Variants in LGSN observed in about 807,000 individuals in gnomAD.
LGSN encodes the protein lengsin.
In LGSN, 21 loss-of-function variants were observed where a neutral mutation model predicts 19.5. The observed-to-expected ratio is 1.07, with a 90% CI of 0.76 to 1.55. The LOEUF (loss-of-function observed/expected upper bound fraction) is 1.55. LGSN is among the 40% of genes most tolerant of loss of function. The probability of loss-of-function intolerance (pLI) is 0.00; values close to 1 mark genes in which losing one functional copy is unlikely to be tolerated. For missense variants in LGSN, 673 were observed against 608.5 expected, an observed-to-expected ratio of 1.11 and a Z score of -1.12; for synonymous variants, 257 against 215.6, an observed-to-expected ratio of 1.19 and a Z score of -1.68.
chr6:63,295,184 T>G, intron 1 of LGSN, 139 bp from the exon 2 acceptor site: 1 of 713,160 alleles, frequency 1.4e-6, no homozygotes, highest in Non-Finnish European at 2.3e-6. Context: ...TTTTGTCACT[T>G]CCACACTCAC....
chr6:63,566,182 T>C, the LGSN span, among the ~76,000 whole-genome samples: 1 of 152,210 alleles, frequency 6.6e-6, no homozygotes, highest in Admixed American at 6.5e-5. Flanking sequence ...CCCAAACCAT[T>C]TGAAGACAGG....
At chr6:63,476,969 T>C in the LGSN span, among the ~76,000 whole-genome samples, 6 of 152,362 alleles carry the variant, frequency 3.9e-5, no homozygotes, top group African/African-American at 1.4e-4. Context: ...CATCCTTTAC[T>C]CTGAAGCTAT....
At chr6:63,451,276 A>G in the LGSN span, among the ~76,000 whole-genome samples, 79 of 152,328 alleles carry the variant, frequency 5.2e-4, no homozygotes, top group African/African-American at 1.8e-3. Context: ...TATTATAAAG[A>G]CACATACATG....
the LGSN span, among the ~76,000 whole-genome samples, chr6:63,509,279 G>T: frequency 7.5e-4 from 114 of 151,954 alleles, 3 homozygotes; most frequent in East Asian, 0.02. Flanking sequence ...TGGCCAGGCT[G>T]GTCTCGAACT....
chr6:63,564,854 T>G, the LGSN span, among the ~76,000 whole-genome samples: 1 of 152,184 alleles, frequency 6.6e-6, no homozygotes. Context: ...AAGAAGAGTC[T>G]TCTCAAACTA....
Position 63,288,463 on chromosome 6 carries a change from GA to G in LGSN, c.164-2711del, listed in dbSNP as rs529865947. On this transcript the variant is annotated intron_variant, in intron 2 of 3. Transcript: ENST00000370657. ...ATAAATTCACACAGTGAAAGGGCTG[GA>G]AAAAAAAAAAACCATAATCACCTGA... 2.8e-3 allele frequency among the ~76,000 whole-genome samples: 386 copies of G among 139,930 alleles called. 1 individual carries two copies. The highest frequency in any genetic ancestry group is 7.2e-3 in the African/African-American group (277 of 38,226). The allele number at this position is 139,930 out of a possible 152,430, so 91.8% of individuals were successfully genotyped here.
chr6:63,436,798 G>A, the LGSN span, among the ~76,000 whole-genome samples: 1 of 152,196 alleles, frequency 6.6e-6, no homozygotes, highest in Non-Finnish European at 1.5e-5. Flanking sequence ...CACTTTGGGA[G>A]GCTGAGGCAG....
At chr6:63,468,216 C>G in the LGSN span, among the ~76,000 whole-genome samples, 1 of 151,944 alleles carries the variant, frequency 6.6e-6, no homozygotes, top group African/African-American at 2.4e-5. Flanking sequence ...CTGCAACCTC[C>G]CTCCTTGGTT....
the LGSN span, among the ~76,000 whole-genome samples, chr6:63,443,826 G>A: frequency 9.2e-5 from 14 of 152,044 alleles, no homozygotes; most frequent in Non-Finnish European, 1.8e-4. Flanking sequence ...GAATAGGCTT[G>A]GGGGTGGGGA....
the LGSN span, among the ~76,000 whole-genome samples, chr6:63,333,647 A>AGGGAAG: frequency 2.9e-3 from 426 of 149,334 alleles, 3 homozygotes; most frequent in African/African-American, 0.01. Context: ...AGAAAAAGGA[A>AGGGAAG]AGGAAGGGGA....
At chr6:63,535,106 T>C in the LGSN span, among the ~76,000 whole-genome samples, 4 of 152,088 alleles carry the variant, frequency 2.6e-5, no homozygotes, top group Admixed American at 2.0e-4. Context: ...ATATAAACAG[T>C]ATTTTAGGTA....
At chr6:63,334,557 T>G in the LGSN span, among the ~76,000 whole-genome samples, 2 of 152,196 alleles carry the variant, frequency 1.3e-5, no homozygotes, top group African/African-American at 4.8e-5. Flanking sequence ...ACATATTCAA[T>G]GCAATCCCTA....
the LGSN span, among the ~76,000 whole-genome samples, chr6:63,403,620 AT>A: frequency 6.6e-6 from 1 of 152,220 alleles, no homozygotes; most frequent in Non-Finnish European, 1.5e-5. Context: ...AATACAATTG[AT>A]AAAACTCTAG....
the LGSN span, among the ~76,000 whole-genome samples, chr6:63,328,586 C>A: frequency 2.0e-5 from 3 of 152,204 alleles, no homozygotes; most frequent in Non-Finnish European, 4.4e-5. Flanking sequence ...GTGAGGCCAG[C>A]CTTTTGCTAC....
the LGSN span, chr6:63,573,118 C>G: frequency 6.1e-6 from 1 of 163,526 alleles, no homozygotes; most frequent in African/African-American, 2.4e-5. Context: ...TGGTCTGGCG[C>G]GACCCGTCCG....
chr6:63,483,067 A>G, the LGSN span, among the ~76,000 whole-genome samples: 1 of 152,220 alleles, frequency 6.6e-6, no homozygotes, highest in Non-Finnish European at 1.5e-5. Flanking sequence ...TACTAAGACT[A>G]GAGAGTTAAA....
At chr6:63,504,371 A>C in the LGSN span, among the ~76,000 whole-genome samples, 2 of 152,090 alleles carry the variant, frequency 1.3e-5, no homozygotes, top group African/African-American at 4.8e-5. Flanking sequence ...CCTCCCGAGT[A>C]ACTGAGACTA....
At chr6:63,289,238 T>C (rs1029526672) in intron 2 of LGSN, among the ~76,000 whole-genome samples, 3 of 152,202 alleles carry the variant, frequency 2.0e-5, no homozygotes, top group African/African-American at 7.2e-5. Context: ...TAAGTAAAAG[T>C]TGTCATCATA....
At chr6:63,428,651 A>C in the LGSN span, among the ~76,000 whole-genome samples, 1 of 152,192 alleles carries the variant, frequency 6.6e-6, no homozygotes, top group Non-Finnish European at 1.5e-5. Context: ...GCACCCGACC[A>C]GGCATAATTC....
Sources: gnomAD v4.1 joint callset for allele counts (sites outside exome capture counted in the v4.1 genomes callset) on GRCh38, gnomAD v4.1.1 for gene constraint, MANE v1.5 for transcripts, NCBI Gene and HGNC (gene_info 2026-07-23, HGNC 2026-07-21) for gene names.